The following CARNMT1 variants were observed in gnomAD, a reference collection of about 807,000 sequenced individuals.
The protein encoded by CARNMT1 is protein-L-histidine N-pros-methyltransferase CARNMT1.
In CARNMT1, 28 loss-of-function variants were observed where a neutral mutation model predicts 49.6. That is an observed-to-expected ratio of 0.56 (90% CI 0.42 to 0.77). CARNMT1 has a LOEUF of 0.77. Ranked by LOEUF, CARNMT1 falls within the 30% of genes least tolerant of loss-of-function variation. CARNMT1 has a pLI of 0.00. For missense variants in CARNMT1, 421 were observed against 512.6 expected, an observed-to-expected ratio of 0.82 and a Z score of 1.73; for synonymous variants, 178 against 175.0, an observed-to-expected ratio of 1.02 and a Z score of -0.13.
intron 3 of CARNMT1, among the ~76,000 whole-genome samples, chr9:75,012,553 G>A (rs1430196799): frequency 6.6e-6 from 1 of 151,972 alleles, no homozygotes; most frequent in Non-Finnish European, 1.5e-5. Flanking sequence ...TAAGTGCTGG[G>A]ATTACAGGCG....
chr9:75,011,548 A>G (rs1000820738), intron 3 of CARNMT1, among the ~76,000 whole-genome samples: 7 of 152,172 alleles, frequency 4.6e-5, no homozygotes, highest in Non-Finnish European at 8.8e-5. Flanking sequence ...TCAAATTTTT[A>G]GTAGAGATGA....
At chr9:74,999,277 A>G (rs995249170) in intron 4 of CARNMT1, among the ~76,000 whole-genome samples, 9 of 152,308 alleles carry the variant, frequency 5.9e-5, no homozygotes, top group Non-Finnish European at 2.9e-5. Context: ...AAGAGGCCAC[A>G]GAAGTTCTGA....
At chr9:75,002,668 A>T (rs965792420) in intron 3 of CARNMT1, among the ~76,000 whole-genome samples, 35 of 151,972 alleles carry the variant, frequency 2.3e-4, no homozygotes, top group Non-Finnish European at 2.4e-4. Flanking sequence ...GTCAAAAAAA[A>T]TTTTTTTTTA....
intron 1 of CARNMT1, among the ~76,000 whole-genome samples, chr9:75,025,721 G>A (rs1426148770): frequency 6.6e-6 from 1 of 152,030 alleles, no homozygotes; most frequent in Non-Finnish European, 1.5e-5. Flanking sequence ...AAGTGGACCC[G>A]TGCAGTTCAG....
At position 74,981,960 on chromosome 9, in the gene CARNMT1, A is replaced by G. The variant is rs1832703519; in HGVS notation, c.*1807T>C. 1 of 151,802 alleles carries G rather than the reference A, an allele frequency of 6.6e-6. No homozygotes were observed. The highest frequency in any genetic ancestry group is 1.5e-5 in the Non-Finnish European group (1 of 67,926). The allele number at this position is 151,802 out of a possible 1,614,324, so 9.4% of individuals were successfully genotyped here. On this transcript the variant is annotated 3_prime_UTR_variant, in exon 8 of 8. Coordinates refer to ENST00000376834, the MANE Select transcript of CARNMT1 (RefSeq NM_152420.3). Reference sequence around the variant, plus strand: ...AAATTCAAACTCATTCATGTAAGTAATAAGAATTTCCACCAAATGAACATC... The same window carrying G: ...AAATTCAAACTCATTCATGTAAGTAGTAAGAATTTCCACCAAATGAACATC...
At chr9:75,003,935 G>A (rs1833434443) in intron 3 of CARNMT1, among the ~76,000 whole-genome samples, 1 of 152,212 alleles carries the variant, frequency 6.6e-6, no homozygotes, top group Non-Finnish European at 1.5e-5. Context: ...GAGTGCAGTG[G>A]CACAATCTTG....
At chr9:75,022,155 T>G (rs1226118808) in intron 1 of CARNMT1, among the ~76,000 whole-genome samples, 1 of 151,736 alleles carries the variant, frequency 6.6e-6, no homozygotes, top group Non-Finnish European at 1.5e-5. Context: ...CTGTCTATAA[T>G]TTAGGAAAAA....
Position 74,998,608 on chromosome 9 carries a change from A to G in CARNMT1, c.900T>C (p.Tyr300=). 6.3e-7 allele frequency: 1 copy of G among 1,582,990 alleles called. No individual in the cohort carries two copies. Among genetic ancestry groups the G allele is most frequent in the Non-Finnish European group, 8.6e-7 (1 of 1,168,078 alleles). The stretch of plus-strand genomic sequence containing the variant: ...TTGATTTGGACTTACTGCATTCTGA[A>G]TAAATCTCTTGAAAATCTCCTGCTG... ...SMTAGDFQEI[Y]SECNTWDCIA... Residue 300 remains tyrosine (Y), a synonymous_variant, in exon 5 of 8, where the codon TAT becomes TAC. Coordinates refer to ENST00000376834, the MANE Select transcript of CARNMT1 (RefSeq NM_152420.3).
At position 74,983,669 on chromosome 9, in the gene CARNMT1, G is replaced by A. The variant is rs1253647211; in HGVS notation, c.*98C>T. ...AGGAATAAGAAGGCACCACTGATTT[G>A]AGGTTGTGTCCTGTCATCACTGATA... On this transcript the variant is annotated 3_prime_UTR_variant, in exon 8 of 8. Coordinates refer to ENST00000376834, the MANE Select transcript of CARNMT1 (RefSeq NM_152420.3). 19 of 638,932 alleles carry A rather than the reference G, an allele frequency of 3.0e-5. No homozygotes were observed. The East Asian group carries it at 5.1e-4, about 17-fold the overall frequency. 39.6% of individuals were successfully genotyped at this position (638,932 alleles called of 1,614,324 possible). A position where few individuals can be genotyped will look rare whatever the true frequency, so the allele number is the denominator to read the frequency against.
At position 75,027,921 on chromosome 9, in the gene CARNMT1, G is replaced by A. The variant is rs925228134; in HGVS notation, c.230+91C>T. The A allele has an allele frequency of 6.6e-6, 9 of 1,353,500 alleles. No homozygotes were observed. In the East Asian group the frequency reaches 2.2e-4, roughly 32 times the overall value. 83.8% of individuals were successfully genotyped at this position (1,353,500 alleles called of 1,614,324 possible). A position where few individuals can be genotyped will look rare whatever the true frequency, so the allele number is the denominator to read the frequency against. On this transcript the variant is annotated intron_variant, in intron 1 of 7. Transcript: ENST00000376834. ...GTCCCGACGCCTCGGAGGCGTGGCG[G>A]CGGGACGGCGAGCGCCCCCGTTCCG... is the stretch of plus-strand genomic sequence containing the variant.
chr9:74,994,445 T>C (rs1833126890), intron 6 of CARNMT1, among the ~76,000 whole-genome samples: 1 of 152,192 alleles, frequency 6.6e-6, no homozygotes, highest in Non-Finnish European at 1.5e-5. Flanking sequence ...TTGGCTTTTT[T>C]TTGAGATGGG....
intron 3 of CARNMT1, among the ~76,000 whole-genome samples, chr9:75,002,483 T>C (rs1339739544): frequency 6.6e-6 from 1 of 152,172 alleles, no homozygotes; most frequent in Non-Finnish European, 1.5e-5. Flanking sequence ...TGAGACGTGC[T>C]GTAAGTGTAA....
At chr9:75,014,371 G>A (rs992324752) in intron 3 of CARNMT1, among the ~76,000 whole-genome samples, 2 of 152,204 alleles carry the variant, frequency 1.3e-5, no homozygotes, top group Admixed American at 1.3e-4. Flanking sequence ...ATACAGAAAA[G>A]AGGGAAAACC....
intron 6 of CARNMT1, among the ~76,000 whole-genome samples, chr9:74,988,058 CTTTT>C (rs995936058): frequency 6.6e-6 from 1 of 151,810 alleles, no homozygotes; most frequent in South Asian, 2.1e-4. Flanking sequence ...TCTCTTCGTT[CTTTT>C]TTTCTTTTTT....
chr9:75,021,323 ATT>A lies in CARNMT1; in HGVS notation c.231-3877_231-3876del, dbSNP rs1470749961. Among the ~76,000 whole-genome samples the A allele has an allele frequency of 3.4e-4, 50 of 146,570 alleles. 1 individual carries two copies. The East Asian group carries it at 9.6e-3, about 28-fold the overall frequency. On this transcript the variant is annotated intron_variant, in intron 1 of 7. Coordinates refer to ENST00000376834, the MANE Select transcript of CARNMT1 (RefSeq NM_152420.3). ...ATACTACTATATACATACCATATAT[ATT>A]ATATATAGTATATATACTACTATAC...
At chr9:75,015,193 T>C (rs1007167193) in intron 3 of CARNMT1, among the ~76,000 whole-genome samples, 7 of 152,212 alleles carry the variant, frequency 4.6e-5, no homozygotes, top group African/African-American at 1.7e-4. Flanking sequence ...AACTGATTTT[T>C]TCCCCTCAAT....
At chr9:75,008,140 A>AAAAT (rs1833572008) in intron 3 of CARNMT1, among the ~76,000 whole-genome samples, 1 of 150,384 alleles carries the variant, frequency 6.6e-6, no homozygotes, top group South Asian at 2.1e-4. Flanking sequence ...GGCCACACAT[A>AAAAT]AAATAACACT....
intron 6 of CARNMT1, among the ~76,000 whole-genome samples, chr9:74,987,362 A>G (rs1270140989): frequency 6.6e-6 from 1 of 152,222 alleles, no homozygotes; most frequent in East Asian, 1.9e-4. Context: ...ATTCTTAATC[A>G]TAATAATTTG....
chr9:75,014,683 T>A (rs1348528240), intron 3 of CARNMT1, among the ~76,000 whole-genome samples: 2 of 152,072 alleles, frequency 1.3e-5, no homozygotes, highest in African/African-American at 4.8e-5. Flanking sequence ...TTAAAGTTAT[T>A]TCAAAATAGT....
Sources: allele counts gnomAD v4.1 joint callset (sites outside exome capture counted in the v4.1 genomes callset), GRCh38; gene constraint gnomAD v4.1.1; transcripts MANE v1.5; gene names NCBI Gene and HGNC (gene_info 2026-07-23, HGNC 2026-07-21).